The following TPD52L1 variants were observed in gnomAD, a reference collection of about 807,000 sequenced individuals.
The protein encoded by TPD52L1 is TPD52 like 1.
Under a neutral mutation model 28.7 loss-of-function variants are expected in TPD52L1, and 18 were observed. That is an observed-to-expected ratio of 0.63 (90% CI 0.43 to 0.93). TPD52L1 has a LOEUF of 0.93. Ranked by LOEUF, TPD52L1 falls within the 40% of genes least tolerant of loss-of-function variation. TPD52L1 has a pLI of 0.00. For missense variants in TPD52L1, 203 were observed against 254.8 expected (o/e 0.80, Z 1.39); for synonymous variants, 75 against 88.8 (o/e 0.84, Z 0.88).
intron 6 of TPD52L1, chr6:125,262,343 T>C (rs1357078199): frequency 6.5e-6 from 1 of 152,918 alleles, no homozygotes; most frequent in Non-Finnish European, 1.5e-5. Context: ...CCAGAAATCA[T>C]TTTCCATTGA....
At chr6:125,199,875 T>C (rs1315727365) in intron 1 of TPD52L1, among the ~76,000 whole-genome samples, 2 of 152,232 alleles carry the variant, frequency 1.3e-5, no homozygotes, top group East Asian at 1.9e-4. Context: ...GAGCACCTGT[T>C]AAAGCTTGAC....
In TPD52L1 at chr6:125,263,436, C is replaced by T. The variant is rs1270702515; in HGVS notation, c.*474C>T. The T allele has an allele frequency of 6.5e-6, 1 of 153,288 alleles. No individual in the cohort carries two copies. Among genetic ancestry groups the T allele is most frequent in the African/African-American group, 2.4e-5 (1 of 41,482 alleles). The allele number at this position is 153,288 out of a possible 1,614,324, so 9.5% of individuals were successfully genotyped here. ...TAAATTTCATCCAACTACTTGTGAT[C>T]TCTCTCACCTACATCAATTATGTAT... On this transcript the variant is annotated 3_prime_UTR_variant, in exon 7 of 7. Coordinates refer to ENST00000534000, the MANE Select transcript of TPD52L1 (RefSeq NM_003287.4).
chr6:125,252,610 T>G (rs1282701157), intron 4 of TPD52L1: 1 of 152,222 alleles, frequency 6.6e-6, no homozygotes, highest in African/African-American at 2.4e-5. Context: ...TTAGCCGGAA[T>G]CTTATTATAT....
chr6:125,194,452 G>T (rs1182691771), intron 1 of TPD52L1, among the ~76,000 whole-genome samples: 1 of 152,028 alleles, frequency 6.6e-6, no homozygotes, highest in Admixed American at 6.6e-5. Flanking sequence ...CTTCTCTACT[G>T]CTTCCAGACT....
At chr6:125,257,892 G>A (rs1442904462) in intron 6 of TPD52L1, among the ~76,000 whole-genome samples, 2 of 152,136 alleles carry the variant, frequency 1.3e-5, no homozygotes, top group African/African-American at 4.8e-5. Flanking sequence ...ATCACTTAAT[G>A]ACTTAATTAC....
At chr6:125,238,902 A>G (rs1358368930) in intron 3 of TPD52L1, among the ~76,000 whole-genome samples, 1 of 152,228 alleles carries the variant, frequency 6.6e-6, no homozygotes, top group African/African-American at 2.4e-5. Context: ...AGCTGGTTCC[A>G]TATTTTTGCA....
At chr6:125,154,074 G>A in intron 1 of TPD52L1, 104 bp downstream of exon 1, 1 of 1,467,794 alleles carries the variant, frequency 6.8e-7, no homozygotes. Flanking sequence ...GATTGGTGCC[G>A]TGTTGCACAT....
chr6:125,186,945 C>CA (rs1792676618), intron 1 of TPD52L1, among the ~76,000 whole-genome samples: 1 of 150,716 alleles, frequency 6.6e-6, no homozygotes, highest in Non-Finnish European at 1.5e-5. Flanking sequence ...TGCAAAGGTA[C>CA]AAAAGAAAAA....
chr6:125,176,583 A>G (rs2114804481), intron 1 of TPD52L1, among the ~76,000 whole-genome samples: 1 of 152,322 alleles, frequency 6.6e-6, no homozygotes, highest in African/African-American at 2.4e-5. Flanking sequence ...TGCTGGCCTT[A>G]TACTAATACA....
At chr6:125,206,365 A>C (rs998369934) in intron 1 of TPD52L1, among the ~76,000 whole-genome samples, 1 of 152,178 alleles carries the variant, frequency 6.6e-6, no homozygotes, top group Non-Finnish European at 1.5e-5. Flanking sequence ...GTGGTAAGGT[A>C]TCTAGTAATG....
chr6:125,161,673 C>T (rs1237433916), intron 1 of TPD52L1, among the ~76,000 whole-genome samples: 3 of 152,118 alleles, frequency 2.0e-5, no homozygotes, highest in Non-Finnish European at 1.5e-5. Flanking sequence ...GTGGAGCAGT[C>T]AGAACACACA....
At chr6:125,170,521 C>G (rs745594389) in intron 1 of TPD52L1, among the ~76,000 whole-genome samples, 3 of 151,972 alleles carry the variant, frequency 2.0e-5, no homozygotes, top group Non-Finnish European at 4.4e-5. Flanking sequence ...CTCAGTGTTA[C>G]TCTCCAGTAA....
At chr6:125,261,854 T>C (rs1480969301) in intron 6 of TPD52L1, 7 of 152,202 alleles carry the variant, frequency 4.6e-5, no homozygotes, top group Non-Finnish European at 8.8e-5. Flanking sequence ...CATAACTGCA[T>C]TGTAAGGAAT....
intron 6 of TPD52L1, chr6:125,260,972 GAA>G (rs1385679083): frequency 2.0e-5 from 1 of 51,246 alleles, no homozygotes; most frequent in Non-Finnish European, 3.2e-5. Context: ...AAGAAAGAAA[GAA>G]AGAAAAGAAA....
intron 1 of TPD52L1, among the ~76,000 whole-genome samples, chr6:125,166,708 G>T (rs1481887342): frequency 6.6e-6 from 1 of 150,582 alleles, no homozygotes; most frequent in Non-Finnish European, 1.5e-5. Context: ...TTGATTTTCT[G>T]TATCATTTTA....
In TPD52L1 at chr6:125,172,103, T is replaced by C. The variant is rs546471238; in HGVS notation, c.19+18133T>C. Reference sequence around the variant, plus strand: ...TTCTCTTTCTTTCTTTCTTTCCCTTTCTTTCTTTCTTTCTTTCTTTCTTTC... The same window carrying C: ...TTCTCTTTCTTTCTTTCTTTCCCTTCCTTTCTTTCTTTCTTTCTTTCTTTC... On this transcript the variant is annotated intron_variant, in intron 1 of 6. Transcript: ENST00000534000. Among the ~76,000 whole-genome samples the C allele has an allele frequency of 2.9e-3, 158 of 54,686 alleles. 4 individuals are homozygous for C. Among genetic ancestry groups the C allele is most frequent in the East Asian group, 0.025 (38 of 1,520 alleles). 35.9% of individuals were successfully genotyped at this position (54,686 alleles called of 152,430 possible). A position where few individuals can be genotyped will look rare whatever the true frequency, so the allele number is the denominator to read the frequency against.
In TPD52L1 at chr6:125,178,620, A is replaced by AAAAACAAAACAAAAC. The variant is rs567869890; in HGVS notation, c.19+24675_19+24689dup. ...TGGGCGACAGAGTGAGACTCCATCT[A>AAAAACAAAACAAAAC]AAAACAAAACAAAACAAAACAAAAC... On this transcript the variant is annotated intron_variant, in intron 1 of 6. Coordinates refer to ENST00000534000, the MANE Select transcript of TPD52L1 (RefSeq NM_003287.4). Among the ~76,000 whole-genome samples, 424 of 150,712 alleles carry AAAAACAAAACAAAAC rather than the reference A, an allele frequency of 2.8e-3. 2 individuals carry two copies. Among genetic ancestry groups the AAAAACAAAACAAAAC allele is most frequent in the African/African-American group, 0.01 (411 of 40,578 alleles).
chr6:125,236,850 A>G (rs1009897186), intron 3 of TPD52L1, among the ~76,000 whole-genome samples: 5 of 152,106 alleles, frequency 3.3e-5, no homozygotes, highest in Non-Finnish European at 7.4e-5. Flanking sequence ...CAGGCACCCC[A>G]AGTGGCCAAG....
chr6:125,227,693 T>C (rs942832897), intron 2 of TPD52L1, among the ~76,000 whole-genome samples: 13 of 152,242 alleles, frequency 8.5e-5, no homozygotes, highest in African/African-American at 3.1e-4. Flanking sequence ...ATGTAAGCAC[T>C]GATACCAGAG....
Sources: allele counts gnomAD v4.1 joint callset (sites outside exome capture counted in the v4.1 genomes callset), GRCh38; gene constraint gnomAD v4.1.1; transcripts MANE v1.5; gene names NCBI Gene and HGNC (gene_info 2026-07-23, HGNC 2026-07-21).